The following SRPK1 variants were observed in gnomAD, a reference collection of about 807,000 sequenced individuals.
SRPK1 encodes the protein SRSF protein kinase 1, also known as SFRS protein kinase 1.
In SRPK1, 52 loss-of-function variants were observed where a neutral mutation model predicts 89.5. That is an observed-to-expected ratio of 0.58 (90% CI 0.46 to 0.73). The LOEUF is 0.73. Among genes scored for constraint, SRPK1 ranks in the 30% least tolerant of loss-of-function variants. SRPK1 has a pLI of 0.00. For missense variants in SRPK1, 603 were observed against 780.6 expected (o/e 0.77, Z 2.71); for synonymous variants, 255 against 270.2 (o/e 0.94, Z 0.55).
At chr6:35,872,868 G>A in intron 7 of SRPK1, 140 bp from the exon 8 acceptor site, 1 of 749,178 alleles carries the variant, frequency 1.3e-6, no homozygotes, top group Non-Finnish European at 2.0e-6. Context: ...TTTTAAAAAA[G>A]CACAAATAAA....
intron 2 of SRPK1, among the ~76,000 whole-genome samples, chr6:35,891,986 T>C (rs1290338723): frequency 6.6e-6 from 1 of 152,214 alleles, no homozygotes; most frequent in Non-Finnish European, 1.5e-5. Context: ...TTTCAAGGCA[T>C]ACCTAATCAG....
intron 13 of SRPK1, among the ~76,000 whole-genome samples, chr6:35,856,303 G>T (rs1053664280): frequency 6.6e-6 from 1 of 151,768 alleles, no homozygotes. Flanking sequence ...CATTTAGTAC[G>T]CTCTCAGACT....
At chr6:35,904,694 G>A (rs1464825107) in intron 2 of SRPK1, among the ~76,000 whole-genome samples, 1 of 152,024 alleles carries the variant, frequency 6.6e-6, no homozygotes, top group Non-Finnish European at 1.5e-5. Flanking sequence ...AGCTACTCGG[G>A]AGGCTAAGGC....
intron 12 of SRPK1, among the ~76,000 whole-genome samples, chr6:35,867,581 C>T (rs1267661310): frequency 3.9e-5 from 6 of 152,058 alleles, no homozygotes; most frequent in African/African-American, 9.7e-5. Context: ...TTTGGGAGGC[C>T]GAGACGGGCA....
rs760505851 is a variant in SRPK1 at position 35,885,292 on chromosome 6, CACACACAGAGAG to C, written c.478+1420_478+1431del. On this transcript the variant is annotated intron_variant, in intron 6 of 15. Coordinates refer to ENST00000373825, the MANE Select transcript of SRPK1 (RefSeq NM_003137.5). ...ACACACACACACACACACACACACA[CACACACAGAGAG>C]AGAGAGAGAGAGAGAGAGAGAGAGA... Among the ~76,000 whole-genome samples the C allele has an allele frequency of 6.4e-3, 871 of 135,172 alleles. 2 individuals are homozygous for C. Among genetic ancestry groups the C allele is most frequent in the Middle Eastern group, 0.018 (5 of 272 alleles). 88.7% of individuals were successfully genotyped at this position (135,172 alleles called of 152,430 possible). A position where few individuals can be genotyped will look rare whatever the true frequency, so the allele number is the denominator to read the frequency against.
chr6:35,920,736 C>A (rs1177048355), intron 1 of SRPK1: 1 of 97,074 alleles, frequency 1.0e-5, no homozygotes, highest in African/African-American at 1.4e-4. Context: ...GGGTCTCAGG[C>A]CGGGTCAGGG....
At chr6:35,899,739 T>C (rs1770703101) in intron 2 of SRPK1, among the ~76,000 whole-genome samples, 2 of 152,114 alleles carry the variant, frequency 1.3e-5, no homozygotes, top group East Asian at 1.9e-4. Flanking sequence ...CGGTGGCTCA[T>C]GCCTGTAATC....
chr6:35,890,073 C>T (rs192233745), intron 3 of SRPK1, among the ~76,000 whole-genome samples: 197 of 152,242 alleles, frequency 1.3e-3, no homozygotes, highest in Non-Finnish European at 2.2e-3. Context: ...GCGCCAACTG[C>T]ACTCCAGCCT....
rs1057436265 is a variant in SRPK1, at chr6:35,872,816, A to G, written c.586-88T>C. The G allele has an allele frequency of 3.8e-5, 47 of 1,241,464 alleles. 1 individual carries two copies. The East Asian group carries it at 8.7e-4, about 23-fold the overall frequency. 76.9% of individuals were successfully genotyped at this position (1,241,464 alleles called of 1,614,324 possible). On this transcript the variant is annotated intron_variant, in intron 7 of 15. Transcript: ENST00000373825. ...GATTATAACATGACATTAAAAAAAA[A>G]AAAAAGATATGATAGCGTTTTCTAT... is the stretch of plus-strand genomic sequence containing the variant.
intron 6 of SRPK1, among the ~76,000 whole-genome samples, chr6:35,880,276 A>C (rs914002353): frequency 6.6e-6 from 1 of 152,156 alleles, no homozygotes. Context: ...GGTAGGCAGA[A>C]GAAAGAATCA....
chr6:35,916,161 T>C (rs1026425932), intron 2 of SRPK1, among the ~76,000 whole-genome samples: 2 of 151,322 alleles, frequency 1.3e-5, no homozygotes, highest in African/African-American at 4.9e-5. Flanking sequence ...GAGGCTGAGG[T>C]TGCAGTGAGC....
intron 15 of SRPK1, 27 bp from the exon 16 acceptor site, chr6:35,835,515 C>G: frequency 6.3e-7 from 1 of 1,585,006 alleles, no homozygotes; most frequent in Non-Finnish European, 8.6e-7. Context: ...ACAGAAAAAG[C>G]CACTGATCAA....
At chr6:35,838,272 T>C in intron 15 of SRPK1, 65 bp downstream of exon 15, 3 of 1,109,898 alleles carry the variant, frequency 2.7e-6, no homozygotes, top group Non-Finnish European at 2.5e-6. Context: ...ATTGGGAATA[T>C]GTGCTTACCT....
intron 14 of SRPK1, 64 bp downstream of exon 14, chr6:35,842,471 G>T: frequency 7.8e-7 from 1 of 1,288,680 alleles, no homozygotes; most frequent in Admixed American, 2.2e-5. Flanking sequence ...ACTAACAAAT[G>T]ATGTTAGCTT....
At chr6:35,920,157 T>C in intron 2 of SRPK1, 1 of 520,348 alleles carries the variant, frequency 1.9e-6, no homozygotes. Flanking sequence ...CCAGCTCCGG[T>C]GGGGAGGTCC....
intron 12 of SRPK1, among the ~76,000 whole-genome samples, chr6:35,858,662 C>T (rs3891863): frequency 0.32 from 47,930 of 151,902 alleles, 7,794 homozygotes; most frequent in South Asian, 0.42. Context: ...GCAAATCCCA[C>T]CCTTCCCCCA....
intron 6 of SRPK1, among the ~76,000 whole-genome samples, chr6:35,881,713 T>C (rs1018775802): frequency 1.3e-5 from 2 of 151,838 alleles, no homozygotes; most frequent in African/African-American, 4.8e-5. Flanking sequence ...ATATAACAAT[T>C]ATAGACATTT....
chr6:35,908,578 T>C (rs944159317), intron 2 of SRPK1, among the ~76,000 whole-genome samples: 1 of 152,250 alleles, frequency 6.6e-6, no homozygotes, highest in Non-Finnish European at 1.5e-5. Flanking sequence ...TTCAGTTTTA[T>C]GCATTCAGAA....
At position 35,885,649 on chromosome 6, in the gene SRPK1, T is replaced by C. The variant is rs189931796; in HGVS notation, c.478+1075A>G. Among the ~76,000 whole-genome samples, 323 of 152,170 alleles carry C rather than the reference T, an allele frequency of 2.1e-3. 3 individuals are homozygous for C. The highest frequency in any genetic ancestry group is 6.8e-3 in the Middle Eastern group (2 of 294). On this transcript the variant is annotated intron_variant, in intron 6 of 15. Transcript: ENST00000373825. ...AGCTAAACATGCATGAAAAGTAAAA[T>C]AATGTATGAAATGTCTTTATACATT...
Sources: gnomAD v4.1 joint callset for allele counts (sites outside exome capture counted in the v4.1 genomes callset) on GRCh38, gnomAD v4.1.1 for gene constraint, MANE v1.5 for transcripts, NCBI Gene and HGNC (gene_info 2026-07-23, HGNC 2026-07-21) for gene names.